PCDH7: variants seen among roughly 807,000 people sequenced by gnomAD.
The protein encoded by PCDH7 is protocadherin-7.
PCDH7 carries 17 observed loss-of-function variants against 58.9 expected under a neutral mutation model. The ratio of observed to expected loss-of-function variants is 0.29; its 90% CI spans 0.20 to 0.43. The LOEUF (loss-of-function observed/expected upper bound fraction) is 0.43. Among genes scored for constraint, PCDH7 ranks in the 20% least tolerant of loss-of-function variants. The pLI is 1.00. For missense variants in PCDH7, 1,274 were observed against 1,441.0 expected, an observed-to-expected ratio of 0.88 and a Z score of 1.88; for synonymous variants, 664 against 616.4, an observed-to-expected ratio of 1.08 and a Z score of -1.14.
intron 3 of PCDH7, among the ~76,000 whole-genome samples, chr4:30,995,493 C>A (rs1751816050): frequency 6.7e-6 from 1 of 149,422 alleles, no homozygotes; most frequent in African/African-American, 2.5e-5. Flanking sequence ...GCCTGGGCGA[C>A]AGAGCGAGAC....
At chr4:30,920,593 A>G (rs550145893) in intron 2 of PCDH7, among the ~76,000 whole-genome samples, 5 of 152,328 alleles carry the variant, frequency 3.3e-5, no homozygotes, top group Admixed American at 6.5e-5. Context: ...CCTGTCAGAA[A>G]TAAACGCACT....
intron 3 of PCDH7, among the ~76,000 whole-genome samples, chr4:31,036,331 G>A (rs1454965681): frequency 6.6e-6 from 1 of 152,036 alleles, no homozygotes; most frequent in Non-Finnish European, 1.5e-5. Context: ...GATTACAGGT[G>A]TGCACCACCA....
chr4:30,981,497 C>T (rs975791755), intron 3 of PCDH7, among the ~76,000 whole-genome samples: 1 of 152,178 alleles, frequency 6.6e-6, no homozygotes, highest in Non-Finnish European at 1.5e-5. Flanking sequence ...CATAATATTA[C>T]TCTCTCACAT....
At chr4:31,132,914 A>G (rs1194021557) in intron 3 of PCDH7, among the ~76,000 whole-genome samples, 1 of 152,198 alleles carries the variant, frequency 6.6e-6, no homozygotes, top group Non-Finnish European at 1.5e-5. Flanking sequence ...CATTCCCAAG[A>G]ATCAATTTTC....
chr4:30,951,104 C>T (rs1407306488), intron 3 of PCDH7, among the ~76,000 whole-genome samples: 2 of 152,142 alleles, frequency 1.3e-5, no homozygotes, highest in South Asian at 4.1e-4. Context: ...TACCTTTGGG[C>T]TAGGAAGATT....
chr4:31,131,972 A>C (rs563269331), intron 3 of PCDH7, among the ~76,000 whole-genome samples: 1 of 152,158 alleles, frequency 6.6e-6, no homozygotes, highest in African/African-American at 2.4e-5. Flanking sequence ...TTTCAATTCT[A>C]CTTCAAATAT....
At chr4:30,909,866 A>C (rs1484167573) in intron 1 of PCDH7, among the ~76,000 whole-genome samples, 1 of 152,218 alleles carries the variant, frequency 6.6e-6, no homozygotes, top group Admixed American at 6.5e-5. Context: ...CCATATAGCC[A>C]AGAAAATCTT....
At chr4:30,943,956 T>G (rs1332403990) in intron 2 of PCDH7, among the ~76,000 whole-genome samples, 1 of 152,080 alleles carries the variant, frequency 6.6e-6, no homozygotes, top group African/African-American at 2.4e-5. Flanking sequence ...TCTTAAAAAT[T>G]TATGTATCAC....
chr4:30,873,374 A>G (rs1309704820), intron 1 of PCDH7, among the ~76,000 whole-genome samples: 1 of 152,160 alleles, frequency 6.6e-6, no homozygotes, highest in African/African-American at 2.4e-5. Context: ...AAAATTGGAT[A>G]CAATTTAATC....
At chr4:31,052,488 A>G (rs1257893857) in intron 3 of PCDH7, among the ~76,000 whole-genome samples, 1 of 152,162 alleles carries the variant, frequency 6.6e-6, no homozygotes, top group Non-Finnish European at 1.5e-5. Context: ...CAATCCAAAG[A>G]TCATTCTGTA....
chr4:31,056,554 G>C (rs970779276), intron 3 of PCDH7, among the ~76,000 whole-genome samples: 1 of 149,612 alleles, frequency 6.7e-6, no homozygotes, highest in Non-Finnish European at 1.5e-5. Flanking sequence ...GGGAGAGAGA[G>C]AGAGGAAGGG....
At chr4:30,859,393 T>A (rs957610008) in intron 1 of PCDH7, among the ~76,000 whole-genome samples, 4 of 152,158 alleles carry the variant, frequency 2.6e-5, no homozygotes, top group African/African-American at 7.2e-5. Flanking sequence ...TAGCTATTAA[T>A]TTCATTCCCC....
At chr4:30,804,106 G>A (rs1333400298) in intron 1 of PCDH7, among the ~76,000 whole-genome samples, 1 of 151,994 alleles carries the variant, frequency 6.6e-6, no homozygotes, top group Non-Finnish European at 1.5e-5. Context: ...CATGAATTTT[G>A]GACATGACAC....
chr4:31,123,125 G>A (rs1239437671), intron 3 of PCDH7, among the ~76,000 whole-genome samples: 2 of 151,884 alleles, frequency 1.3e-5, no homozygotes, highest in South Asian at 2.1e-4. Context: ...TTTTCTGGGG[G>A]TTTATTTAAA....
At chr4:30,741,665 G>A (rs1265006393) in intron 1 of PCDH7, among the ~76,000 whole-genome samples, 3 of 152,186 alleles carry the variant, frequency 2.0e-5, no homozygotes, top group African/African-American at 7.2e-5. Context: ...AACCAACTTA[G>A]AGGCAAGTAA....
At chr4:31,122,612 T>G (rs1717824426) in intron 3 of PCDH7, among the ~76,000 whole-genome samples, 1 of 152,180 alleles carries the variant, frequency 6.6e-6, no homozygotes, top group Non-Finnish European at 1.5e-5. Flanking sequence ...AAATTATTTT[T>G]TTTTTCAAAT....
At chr4:30,930,296 A>G (rs1394344700) in intron 2 of PCDH7, among the ~76,000 whole-genome samples, 5 of 152,180 alleles carry the variant, frequency 3.3e-5, no homozygotes, top group Non-Finnish European at 7.3e-5. Context: ...GAGGGTGAGG[A>G]AAAAGTGGTG....
chr4:30,756,555 A>G (rs900884682), intron 1 of PCDH7, among the ~76,000 whole-genome samples: 15 of 152,200 alleles, frequency 9.9e-5, no homozygotes, highest in Admixed American at 9.8e-4. Flanking sequence ...CGAATACGGT[A>G]CAACCTCTTC....
chr4:31,097,587 C>CATATATATATATAT (rs1190443409), intron 3 of PCDH7, among the ~76,000 whole-genome samples: 5 of 40,092 alleles, frequency 1.2e-4, no homozygotes, highest in Non-Finnish European at 2.1e-4. Context: ...TCCAAATATA[C>CATATATATATATAT]ATATATATAT....
Sources: allele counts gnomAD v4.1 joint callset (sites outside exome capture counted in the v4.1 genomes callset), GRCh38; gene constraint gnomAD v4.1.1; transcripts MANE v1.5; gene names NCBI Gene and HGNC (gene_info 2026-07-23, HGNC 2026-07-21).